The following SPAST variants were observed in gnomAD, a reference collection of about 807,000 sequenced individuals.
The protein encoded by SPAST is spastic paraplegia 4 (autosomal dominant; spastin).
Under a neutral mutation model 76.6 loss-of-function variants are expected in SPAST, and 30 were observed. That is an observed-to-expected ratio of 0.39 (90% CI 0.29 to 0.53). The LOEUF (loss-of-function observed/expected upper bound fraction) is 0.53. Among genes scored for constraint, SPAST ranks in the 20% least tolerant of loss-of-function variants. The pLI is 0.68. For missense variants in SPAST, 717 were observed against 770.5 expected, an observed-to-expected ratio of 0.93 and a Z score of 0.82; for synonymous variants, 305 against 281.0, an observed-to-expected ratio of 1.09 and a Z score of -0.86.
At chr2:32,152,451 T>G (rs957106796) in intron 16 of SPAST, among the ~76,000 whole-genome samples, 2 of 151,946 alleles carry the variant, frequency 1.3e-5, no homozygotes, top group Non-Finnish European at 2.9e-5. Context: ...ACACCTATAG[T>G]CCTAGCTACT....
At chr2:32,115,004 A>T (rs1678773195) in intron 5 of SPAST, among the ~76,000 whole-genome samples, 179 bp downstream of exon 5, 1 of 144,334 alleles carries the variant, frequency 6.9e-6, no homozygotes, top group Non-Finnish European at 1.5e-5. Context: ...GCTGGAGTGC[A>T]ATGGCGCGAT....
chr2:32,115,757 G>T lies in SPAST; in HGVS notation c.926G>T (p.Arg309Leu). 1.2e-6 allele frequency: 2 copies of T among 1,611,366 alleles called. No individual in the cohort carries two copies. The highest frequency in any genetic ancestry group is 2.2e-5 in the East Asian group (1 of 44,702). Residue 309 changes from arginine (R) to leucine (L), a missense_variant, in exon 6 of 17, where the codon CGT (arginine) becomes CTT (leucine). Physicochemically the swap from Arg to Leu is moderately radical, Grantham distance 102. Around this residue, in one of 3 missense-constraint regions of SPAST, gnomAD observed 543 missense variants for 445.2 expected, o/e 1.22. Transcript: ENST00000315285. The stretch of plus-strand genomic sequence containing the variant: ...CCTTCTACCCCTACAACTGCTACTC[G>T]TAAGAAAAAAGACTTGAAGAATTTT... The part of the protein sequence containing the change: ...NKPSTPTTAT[R>L]KKKDLKNFRN...
At chr2:32,065,205 A>G (rs149103495) in intron 1 of SPAST, among the ~76,000 whole-genome samples, 2 of 151,958 alleles carry the variant, frequency 1.3e-5, no homozygotes, top group Non-Finnish European at 2.9e-5. Context: ...TTTTTAGTAG[A>G]GTAGGGATTT....
intron 4 of SPAST, among the ~76,000 whole-genome samples, chr2:32,110,736 CTG>C (rs1678544774): frequency 1.1e-4 from 13 of 119,018 alleles, no homozygotes; most frequent in Middle Eastern, 9.3e-3. Context: ...ATATAGTACA[CTG>C]TATAGTATAT....
chr2:32,117,167 C>T (rs950869865), intron 7 of SPAST, among the ~76,000 whole-genome samples: 3 of 151,578 alleles, frequency 2.0e-5, no homozygotes, highest in Admixed American at 2.0e-4. Flanking sequence ...GCAGGAGAAT[C>T]GCTTGAACCC....
intron 7 of SPAST, among the ~76,000 whole-genome samples, chr2:32,120,050 G>C (rs922894492): frequency 6.7e-6 from 1 of 149,720 alleles, no homozygotes; most frequent in African/African-American, 2.5e-5. Context: ...GATTGAGACA[G>C]TCTCGCTGTG....
chr2:32,128,029 C>T, intron 8 of SPAST: 1 of 230,800 alleles, frequency 4.3e-6, no homozygotes, highest in South Asian at 5.7e-5. Flanking sequence ...CAGTCTTACT[C>T]TATCACCCAA....
intron 4 of SPAST, among the ~76,000 whole-genome samples, chr2:32,103,524 G>T (rs1678204373): frequency 6.6e-6 from 1 of 152,004 alleles, no homozygotes. Context: ...GAAGGTGTTT[G>T]CTCTTGCTTC....
chr2:32,155,074 C>T lies in SPAST; in HGVS notation c.*578C>T, dbSNP rs1030122240. 6.5e-6 allele frequency: 1 copy of T among 153,526 alleles called. No individual in the cohort carries two copies. The highest frequency in any genetic ancestry group is 2.4e-5 in the African/African-American group (1 of 41,438). 9.5% of individuals were successfully genotyped at this position (153,526 alleles called of 1,614,324 possible). ...AAGTTTATTTTGAGAGTTTCTTCTT[C>T]ATAAATCTACAGACATTAAACAATT... is the stretch of plus-strand genomic sequence containing the variant. On this transcript the variant is annotated 3_prime_UTR_variant, in exon 17 of 17. Coordinates refer to ENST00000315285, the MANE Select transcript of SPAST (RefSeq NM_014946.4).
intron 15 of SPAST, among the ~76,000 whole-genome samples, chr2:32,146,663 G>A (rs1475653634): frequency 6.6e-6 from 1 of 151,896 alleles, no homozygotes; most frequent in Non-Finnish European, 1.5e-5. Flanking sequence ...TCAGGAGTTC[G>A]AGACCAGCTT....
chr2:32,123,055 G>A (rs1558328621), intron 7 of SPAST, among the ~76,000 whole-genome samples: 2 of 151,790 alleles, frequency 1.3e-5, no homozygotes, highest in Admixed American at 6.6e-5. Context: ...TGATGTCAGG[G>A]GTTCAAGACC....
chr2:32,132,723 A>G (rs1679411270), intron 9 of SPAST, among the ~76,000 whole-genome samples: 1 of 151,878 alleles, frequency 6.6e-6, no homozygotes, highest in Non-Finnish European at 1.5e-5. Flanking sequence ...AAAAGGAAGC[A>G]TTGTGCCAGG....
chr2:32,067,763 T>C (rs1676581180), intron 1 of SPAST, among the ~76,000 whole-genome samples: 1 of 151,124 alleles, frequency 6.6e-6, no homozygotes, highest in Non-Finnish European at 1.5e-5. Flanking sequence ...ATCCTCTTTT[T>C]TTTTTTTTTG....
intron 7 of SPAST, among the ~76,000 whole-genome samples, chr2:32,125,859 A>G (rs1413465924): frequency 3.3e-5 from 5 of 151,936 alleles, no homozygotes; most frequent in Non-Finnish European, 5.9e-5. Context: ...CAGTGGCGCA[A>G]TCTTGGCTCA....
intron 1 of SPAST, among the ~76,000 whole-genome samples, chr2:32,071,946 A>G (rs577096561): frequency 6.6e-6 from 1 of 152,250 alleles, no homozygotes; most frequent in Non-Finnish European, 1.5e-5. Context: ...GATTCTCTAC[A>G]GAACGTAAAT....
intron 9 of SPAST, among the ~76,000 whole-genome samples, chr2:32,131,972 C>A (rs1221110093): frequency 6.6e-6 from 1 of 152,104 alleles, no homozygotes; most frequent in Non-Finnish European, 1.5e-5. Flanking sequence ...AGCAACCATT[C>A]TCTTTTATCC....
intron 1 of SPAST, among the ~76,000 whole-genome samples, chr2:32,085,583 A>G (rs1228024265): frequency 6.6e-6 from 1 of 152,192 alleles, no homozygotes; most frequent in African/African-American, 2.4e-5. Context: ...AACCAGCCGT[A>G]GTATATAATA....
intron 1 of SPAST, chr2:32,078,028 TCGCCCAGG>T (rs1170264257): frequency 6.6e-6 from 1 of 152,096 alleles, no homozygotes; most frequent in Non-Finnish European, 1.5e-5. Flanking sequence ...TCTCGCTCTG[TCGCCCAGG>T]CTGGAGTGCA....
At chr2:32,119,736 C>G (rs1678953574) in intron 7 of SPAST, among the ~76,000 whole-genome samples, 1 of 152,064 alleles carries the variant, frequency 6.6e-6, no homozygotes. Context: ...ATAGAACATG[C>G]CCTCTCCTCT....
Sources: allele counts gnomAD v4.1 joint callset (sites outside exome capture counted in the v4.1 genomes callset), GRCh38; gene constraint gnomAD v4.1.1; regional missense constraint gnomAD v4.1.1; transcripts MANE v1.5; gene names NCBI Gene and HGNC (gene_info 2026-07-23, HGNC 2026-07-21).